The following HEPHL1 variants were observed in gnomAD, a reference collection of about 807,000 sequenced individuals.
The protein encoded by HEPHL1 is ferroxidase HEPHL1.
In HEPHL1, 123 loss-of-function variants were observed where a neutral mutation model predicts 122.0. The observed-to-expected ratio is 1.01, with a 90% CI of 0.87 to 1.17. The LOEUF (loss-of-function observed/expected upper bound fraction) is 1.17, where lower values mean the gene tolerates loss of function less well. Among genes scored for constraint, HEPHL1 ranks in the 50% most tolerant of loss-of-function variants. The pLI is 0.00. For synonymous variants in HEPHL1, 527 were observed against 508.9 expected (o/e 1.04, Z -0.48); for missense variants, 1,452 against 1,430.5 (o/e 1.01, Z -0.24).
intron 2 of HEPHL1, among the ~76,000 whole-genome samples, chr11:94,049,792 C>A (rs1277404124): frequency 6.6e-6 from 1 of 151,996 alleles, no homozygotes; most frequent in African/African-American, 2.4e-5. Context: ...CTTTGTTATT[C>A]TTTTCAAGGC....
At chr11:94,059,043 G>C (rs1200491498) in intron 2 of HEPHL1, among the ~76,000 whole-genome samples, 3 of 152,152 alleles carry the variant, frequency 2.0e-5, no homozygotes, top group Non-Finnish European at 4.4e-5. Context: ...CTGCTCACTT[G>C]TCTTTCACTC....
At position 94,079,958 on chromosome 11, in the gene HEPHL1, A is replaced by G. The variant is rs116873334; in HGVS notation, c.1717-2460A>G. On this transcript the variant is annotated intron_variant, in intron 9 of 19. Transcript: ENST00000315765. ...TAGAAACAACAACTTTAAAATTCATATGGAACCAAAAAGGAGCCCATATAG... is the reference window on the plus strand; with the variant it reads ...TAGAAACAACAACTTTAAAATTCATGTGGAACCAAAAAGGAGCCCATATAG... Among the ~76,000 whole-genome samples, 1,262 of 152,308 alleles carry G rather than the reference A, an allele frequency of 8.3e-3. 10 individuals carry two copies. Among genetic ancestry groups the G allele is most frequent in the Non-Finnish European group, 0.013 (911 of 68,024 alleles).
chr11:94,109,512 G>A (rs1306199562), intron 17 of HEPHL1, among the ~76,000 whole-genome samples: 1 of 151,854 alleles, frequency 6.6e-6, no homozygotes, highest in Non-Finnish European at 1.5e-5. Context: ...TTATGAGGTT[G>A]AGGAAATTTC....
chr11:94,031,558 A>T (rs1945675842), intron 1 of HEPHL1, among the ~76,000 whole-genome samples: 1 of 152,162 alleles, frequency 6.6e-6, no homozygotes, highest in Non-Finnish European at 1.5e-5. Context: ...TTTTGCTATC[A>T]AAATCATTCT....
chr11:94,032,899 TGGTAA>T (rs1243319961), intron 1 of HEPHL1, among the ~76,000 whole-genome samples: 1 of 152,074 alleles, frequency 6.6e-6, no homozygotes, highest in African/African-American at 2.4e-5. Context: ...GACATTCCAC[TGGTAA>T]GGGAAGAATG....
At chr11:94,029,269 T>C (rs1945652760) in intron 1 of HEPHL1, among the ~76,000 whole-genome samples, 1 of 152,178 alleles carries the variant, frequency 6.6e-6, no homozygotes, top group Non-Finnish European at 1.5e-5. Flanking sequence ...GAGGAAGCTA[T>C]GGGTTCTCTT....
At chr11:94,055,283 T>C in intron 2 of HEPHL1, 1 of 287,232 alleles carries the variant, frequency 3.5e-6, no homozygotes, top group South Asian at 4.1e-5. Context: ...GAGCCACCTG[T>C]TTCACTCCCA....
chr11:94,070,375 T>C lies in HEPHL1; in HGVS notation c.1065T>C (p.Ala355=). 3 of 1,588,754 alleles carry C rather than the reference T, an allele frequency of 1.9e-6. No homozygotes were observed. Among genetic ancestry groups the C allele is most frequent in the Non-Finnish European group, 2.6e-6 (3 of 1,166,144 alleles). Reference sequence around the variant, plus strand: ...TCGTGGTTTTCCTCTGTTCTGCAGCTGGTATGCTGGGGCAATACAATGTTG... The same window carrying C: ...TCGTGGTTTTCCTCTGTTCTGCAGCCGGTATGCTGGGGCAATACAATGTTG... ...ITCQVSDHLQ[A]GMLGQYNVDN... Residue 355 remains alanine, a splice_region_variant and synonymous_variant, in exon 6 of 20, where the codon GCT becomes GCC. Transcript: ENST00000315765.
chr11:94,037,799 A>C (rs1307552964), intron 1 of HEPHL1, among the ~76,000 whole-genome samples: 1 of 151,868 alleles, frequency 6.6e-6, no homozygotes, highest in Non-Finnish European at 1.5e-5. Flanking sequence ...TGGAAACTCT[A>C]AAACGCAGAG....
At chr11:94,023,365 A>G (rs1182467039) in intron 1 of HEPHL1, among the ~76,000 whole-genome samples, 1 of 152,232 alleles carries the variant, frequency 6.6e-6, no homozygotes, top group Non-Finnish European at 1.5e-5. Context: ...AGCATATTGA[A>G]AGGGATCACT....
Position 94,032,540 on chromosome 11 carries a change from T to C in HEPHL1, c.170+11002T>C, listed in dbSNP as rs557230758. Among the ~76,000 whole-genome samples, 99 of 152,302 alleles carry C rather than the reference T, an allele frequency of 6.5e-4. 1 individual carries two copies. Among genetic ancestry groups the C allele is most frequent in the African/African-American group, 2.3e-3 (96 of 41,566 alleles). On this transcript the variant is annotated intron_variant, in intron 1 of 19. Coordinates refer to ENST00000315765, the MANE Select transcript of HEPHL1 (RefSeq NM_001098672.2). ...AATGTCAAGGTGGCTGTAAACCCCA[T>C]TTGTTAGCAGGTCCCAACAGTCTTT...
intron 17 of HEPHL1, among the ~76,000 whole-genome samples, chr11:94,108,018 A>T (rs1037279280): frequency 2.6e-5 from 4 of 151,898 alleles, no homozygotes; most frequent in Admixed American, 2.6e-4. Context: ...ATATACGAGA[A>T]CTCCATATGT....
intron 1 of HEPHL1, among the ~76,000 whole-genome samples, chr11:94,022,925 G>A (rs1456313217): frequency 3.3e-5 from 5 of 152,274 alleles, no homozygotes; most frequent in African/African-American, 9.6e-5. Flanking sequence ...TGAATATAGC[G>A]TTTAAGCTAA....
Position 94,064,224 on chromosome 11 carries a change from A to T in HEPHL1, c.629-107A>T, listed in dbSNP as rs1591474688. The T allele has an allele frequency of 4.2e-6, 3 of 710,860 alleles. No homozygotes were observed. The East Asian group carries it at 7.9e-5, about 19-fold the overall frequency. The allele number at this position is 710,860 out of a possible 1,614,324, so 44.0% of individuals were successfully genotyped here. A position where few individuals can be genotyped will look rare whatever the true frequency, so the allele number is the denominator to read the frequency against. The stretch of plus-strand genomic sequence containing the variant: ...ATTTTATATGGTGGGTTATCCTTGT[A>T]GGTATAGGTCTTCACCAAACTTCAC... On this transcript the variant is annotated intron_variant, in intron 3 of 19. Transcript: ENST00000315765.
chr11:94,064,568 CA>C (rs1946018535), intron 4 of HEPHL1, 58 bp downstream of exon 4: 1 of 1,155,948 alleles, frequency 8.7e-7, no homozygotes, highest in East Asian at 2.4e-5. Context: ...TAAGGTACTA[CA>C]AGGGATAAAA....
At chr11:94,090,997 A>G (rs1946260425) in intron 12 of HEPHL1, among the ~76,000 whole-genome samples, 3 of 152,184 alleles carry the variant, frequency 2.0e-5, no homozygotes, top group Admixed American at 1.3e-4. Context: ...AGGAAATTTG[A>G]AAACAGAAAT....
intron 1 of HEPHL1, among the ~76,000 whole-genome samples, chr11:94,036,833 C>T (rs113612050): frequency 0.2 from 26,284 of 129,632 alleles, 2,909 homozygotes; most frequent in African/African-American, 0.33. Context: ...AGCAAGACTC[C>T]GTCTCAAAAA....
chr11:94,073,069 G>C lies in HEPHL1; in HGVS notation c.1277G>C (p.Gly426Ala). The C allele has an allele frequency of 6.2e-7, 1 of 1,612,852 alleles. No individual in the cohort carries two copies. Among genetic ancestry groups the C allele is most frequent in the Middle Eastern group, 1.7e-4 (1 of 6,054 alleles). ...YFTQGDNRIG[G>A]KYWKVRYTEF... ...ACACAAGGGGACAACAGAATAGGAGGAAAATACTGGAAGGTTCGGTATACT... is the reference window on the plus strand; with the variant it reads ...ACACAAGGGGACAACAGAATAGGAGCAAAATACTGGAAGGTTCGGTATACT... Residue 426 changes from glycine (G) to alanine (A), a missense_variant, in exon 7 of 20, where the codon GGA (glycine) becomes GCA (alanine). Gly to Ala is a moderately conservative substitution (Grantham distance 60, BLOSUM62 0). Transcript: ENST00000315765.
intron 1 of HEPHL1, among the ~76,000 whole-genome samples, chr11:94,031,909 T>C (rs1487683071): frequency 1.3e-5 from 2 of 152,262 alleles, no homozygotes; most frequent in African/African-American, 4.8e-5. Flanking sequence ...GAAAGTGGTC[T>C]GGTGATGGCC....
Sources: gnomAD v4.1 joint callset for allele counts (sites outside exome capture counted in the v4.1 genomes callset) on GRCh38, gnomAD v4.1.1 for gene constraint, MANE v1.5 for transcripts, NCBI Gene and HGNC (gene_info 2026-07-23, HGNC 2026-07-21) for gene names.